The following MSH3 variants were observed in gnomAD, a reference collection of about 807,000 sequenced individuals.
MSH3 encodes DNA mismatch repair protein Msh3.
In MSH3, 106 loss-of-function variants were observed where a neutral mutation model predicts 123.3. The ratio of observed to expected loss-of-function variants is 0.86; its 90% confidence interval spans 0.73 to 1.01. The LOEUF (loss-of-function observed/expected upper bound fraction) is 1.01. Among genes scored for constraint, MSH3 ranks in the 50% least tolerant of loss-of-function variants. The probability of loss-of-function intolerance (pLI) is 0.00; values close to 1 mark genes in which losing one functional copy is unlikely to be tolerated. For synonymous variants in MSH3, 515 were observed against 481.4 expected (o/e 1.07, Z -0.91); for missense variants, 1,459 against 1,347.6 (o/e 1.08, Z -1.29).
intron 3 of MSH3, among the ~76,000 whole-genome samples, chr5:80,666,616 G>A (rs1749576912): frequency 6.6e-6 from 1 of 152,210 alleles, no homozygotes; most frequent in South Asian, 2.1e-4. Context: ...GGTCTCAGAA[G>A]AGCGTATACA....
intron 19 of MSH3, among the ~76,000 whole-genome samples, chr5:80,812,189 T>C (rs987653413): frequency 6.6e-6 from 1 of 152,158 alleles, no homozygotes; most frequent in Non-Finnish European, 1.5e-5. Flanking sequence ...ACTGGAAATG[T>C]GTGGCTAATT....
intron 12 of MSH3, among the ~76,000 whole-genome samples, chr5:80,753,043 A>G (rs1370993643): frequency 6.6e-6 from 1 of 152,196 alleles, no homozygotes; most frequent in East Asian, 1.9e-4. Flanking sequence ...GGTGTTTTAC[A>G]TGTATTTGCA....
At chr5:80,692,876 A>T (rs1750343808) in intron 8 of MSH3, among the ~76,000 whole-genome samples, 1 of 101,222 alleles carries the variant, frequency 9.9e-6, no homozygotes, top group Non-Finnish European at 2.1e-5. Flanking sequence ...TGTTTAGATA[A>T]ATATACATGC....
At position 80,813,619 on chromosome 5, in the gene MSH3, A is replaced by G. The variant is rs765447625; in HGVS notation, c.2691A>G (p.Pro897=). The change falls in exon 20 of 24, where the codon CCA becomes CCG. Residue 897 remains proline, a synonymous_variant. Coordinates refer to ENST00000265081, the MANE Select transcript of MSH3 (RefSeq NM_002439.5). ...AGAGAGTAATGATAATTACCGGACC[A>G]AACATGGGTGGAAAGAGCTCCTACA... The part of the protein sequence containing the change: ...DSERVMIITG[P]NMGGKSSYIK... 18 of 1,614,198 alleles carry G rather than the reference A, an allele frequency of 1.1e-5. No individual in the cohort carries two copies. The highest frequency in any genetic ancestry group is 1.5e-5 in the Non-Finnish European group (18 of 1,180,016).
intron 16 of MSH3, among the ~76,000 whole-genome samples, chr5:80,776,282 C>T (rs1744297526): frequency 6.6e-6 from 1 of 152,146 alleles, no homozygotes; most frequent in East Asian, 1.9e-4. Context: ...CTTATTTTTA[C>T]ACATTTATTT....
intron 21 of MSH3, among the ~76,000 whole-genome samples, chr5:80,862,226 C>A (rs1746025548): frequency 6.6e-6 from 1 of 152,106 alleles, no homozygotes; most frequent in African/African-American, 2.4e-5. Context: ...TCCCTCGGGG[C>A]AGATTTTAAG....
intron 18 of MSH3, among the ~76,000 whole-genome samples, chr5:80,792,497 G>GT (rs1737539912): frequency 6.6e-6 from 1 of 151,776 alleles, no homozygotes; most frequent in Non-Finnish European, 1.5e-5. Flanking sequence ...CTCTTCTAAA[G>GT]TATGTGCTTC....
chr5:80,793,683 G>A (rs1744647349), intron 19 of MSH3, among the ~76,000 whole-genome samples: 3 of 152,200 alleles, frequency 2.0e-5, no homozygotes, highest in African/African-American at 7.2e-5. Context: ...AAGATGATGA[G>A]TAAGGTTGGA....
intron 20 of MSH3, among the ~76,000 whole-genome samples, chr5:80,849,718 C>T (rs1200772761): frequency 1.3e-5 from 2 of 152,062 alleles, no homozygotes; most frequent in Non-Finnish European, 2.9e-5. Flanking sequence ...CAGGCCTGGC[C>T]CATGAAACCA....
chr5:80,656,893 C>T (rs182509858), intron 2 of MSH3, among the ~76,000 whole-genome samples: 1 of 152,256 alleles, frequency 6.6e-6, no homozygotes, highest in African/African-American at 2.4e-5. Context: ...GTGAGGCCCA[C>T]TGCTATTGGT....
rs1267675521 is a variant in MSH3 at position 80,656,392 on chromosome 5, T to C, written c.238-19T>C. ...TCAGAGTAGAGATAACACATCATTTTCTAACCTTCCCGATATAGGCTACAG... is the reference window on the plus strand; with the variant it reads ...TCAGAGTAGAGATAACACATCATTTCCTAACCTTCCCGATATAGGCTACAG... On this transcript the variant is annotated intron_variant, in intron 1 of 23. Coordinates refer to ENST00000265081, the MANE Select transcript of MSH3 (RefSeq NM_002439.5). 6.2e-7 allele frequency: 1 copy of C among 1,613,844 alleles called. No homozygotes were observed. The highest frequency in any genetic ancestry group is 8.5e-7 in the Non-Finnish European group (1 of 1,179,914).
intron 3 of MSH3, among the ~76,000 whole-genome samples, chr5:80,667,935 C>G (rs899487647): frequency 6.6e-6 from 1 of 152,136 alleles, no homozygotes. Flanking sequence ...TCTTTTAGCC[C>G]TGCCATTCGG....
chr5:80,841,011 T>C (rs1403760382), intron 20 of MSH3, among the ~76,000 whole-genome samples: 2 of 151,542 alleles, frequency 1.3e-5, no homozygotes, highest in African/African-American at 4.9e-5. Flanking sequence ...ACCCATTATC[T>C]TGTCATTTAC....
In MSH3 at chr5:80,875,803, C is replaced by G. The variant is rs1396664221; in HGVS notation, c.3355C>G (p.Leu1119Val). 1 of 1,613,980 alleles carries G rather than the reference C, an allele frequency of 6.2e-7. No individual in the cohort carries two copies. Residue 1119 changes from leucine (L) to valine (V), a missense_variant, in exon 24 of 24, where the codon CTG becomes GTG. Leu to Val is a conservative substitution (Grantham distance 32). Coordinates refer to ENST00000265081, the MANE Select transcript of MSH3 (RefSeq NM_002439.5). ...KLWTMHNAQDLQKWTEEFNME... is the reference protein window; with the variant it reads ...KLWTMHNAQDVQKWTEEFNME... ...ATGGACGATGCATAATGCACAAGAC[C>G]TGCAGAAGTGGACAGAGGAGTTCAA...
chr5:80,690,549 C>T (rs1750207081), intron 8 of MSH3, among the ~76,000 whole-genome samples: 1 of 151,978 alleles, frequency 6.6e-6, no homozygotes, highest in Non-Finnish European at 1.5e-5. Context: ...AACTCCTGAC[C>T]TCAAATGATC....
At chr5:80,742,984 A>G (rs1001739296) in intron 11 of MSH3, among the ~76,000 whole-genome samples, 1 of 152,014 alleles carries the variant, frequency 6.6e-6, no homozygotes, top group Non-Finnish European at 1.5e-5. Flanking sequence ...CCTTTATTGG[A>G]CCTTGCACCA....
chr5:80,725,367 T>C, intron 8 of MSH3, 86 bp from the exon 9 acceptor site: 2 of 855,126 alleles, frequency 2.3e-6, no homozygotes, highest in East Asian at 2.6e-5. Flanking sequence ...TTTATCTTTT[T>C]TTTTTCCTCT....
chr5:80,734,827 C>T (rs969795329), intron 10 of MSH3, among the ~76,000 whole-genome samples: 5 of 152,256 alleles, frequency 3.3e-5, no homozygotes, highest in South Asian at 4.1e-4. Flanking sequence ...AGTTTCCCTG[C>T]GCCCACCAAA....
chr5:80,693,507 A>ATAAATATGCACATGTATATGTT (rs1750385617), intron 8 of MSH3, among the ~76,000 whole-genome samples: 1 of 102,696 alleles, frequency 9.7e-6, no homozygotes, highest in African/African-American at 3.2e-5. Flanking sequence ...ATATGTTTAT[A>ATAAATATGCACATGTATATGTT]TAAATATGCA....
Sources: gnomAD v4.1 joint callset for allele counts (sites outside exome capture counted in the v4.1 genomes callset) on GRCh38, gnomAD v4.1.1 for gene constraint, MANE v1.5 for transcripts, NCBI Gene and HGNC (gene_info 2026-07-23, HGNC 2026-07-21) for gene names.